Variants in SEMA6D observed in about 807,000 individuals in gnomAD.
SEMA6D encodes semaphorin 6D, also known as semaphorin-6D.
A neutral mutation model predicts 106.6 loss-of-function variants in SEMA6D; 35 were observed. The observed-to-expected ratio is 0.33, with a 90% CI of 0.25 to 0.44. The LOEUF is 0.44. Ranked by LOEUF, SEMA6D falls within the 20% of genes least tolerant of loss-of-function variation. The pLI, the probability that SEMA6D is intolerant of heterozygous loss-of-function variation, is 1.00. For synonymous variants in SEMA6D, 499 were observed against 487.7 expected (o/e 1.02, Z -0.31); for missense variants, 1,185 against 1,345.9 (o/e 0.88, Z 1.87).
chr15:47,504,085 C>T (rs2043955300), intron 3 of SEMA6D, among the ~76,000 whole-genome samples: 1 of 152,208 alleles, frequency 6.6e-6, no homozygotes, highest in African/African-American at 2.4e-5. Flanking sequence ...GCTCCTCCCT[C>T]TGCAGGCTGG....
intron 2 of SEMA6D, among the ~76,000 whole-genome samples, chr15:47,440,656 A>C (rs571158978): frequency 6.6e-6 from 1 of 152,214 alleles, no homozygotes; most frequent in East Asian, 1.9e-4. Flanking sequence ...TAAAGTTAAA[A>C]AAAAAAAGAC....
chr15:47,536,284 G>A (rs536585085), intron 3 of SEMA6D, among the ~76,000 whole-genome samples: 6 of 152,230 alleles, frequency 3.9e-5, no homozygotes, highest in South Asian at 2.1e-4. Context: ...TGATTTTGTC[G>A]TGGATTTGAG....
Position 47,488,132 on chromosome 15 carries a change from A to G in SEMA6D, c.-87+17587A>G, listed in dbSNP as rs1296203156. Among the ~76,000 whole-genome samples, 6 of 151,896 alleles carry G rather than the reference A, an allele frequency of 4.0e-5. No homozygotes were observed. In the East Asian group the frequency reaches 1.2e-3, roughly 29 times the overall value. On this transcript the variant is annotated intron_variant, in intron 3 of 19. Coordinates refer to the SEMA6D transcript ENST00000558014. Reference sequence around the variant, plus strand: ...CTGAATCAGTCATACTGTTTTTTACATTTTTGTTTCTGTCATCGGTATTTT... The same window carrying G: ...CTGAATCAGTCATACTGTTTTTTACGTTTTTGTTTCTGTCATCGGTATTTT...
chr15:47,372,433 A>AAAG (rs1350195731), intron 1 of SEMA6D, among the ~76,000 whole-genome samples: 2 of 152,236 alleles, frequency 1.3e-5, no homozygotes, highest in African/African-American at 4.8e-5. Context: ...GCAAAGGTAG[A>AAAG]ACTGGACCTG....
chr15:47,464,193 T>A (rs1596063830), intron 2 of SEMA6D, among the ~76,000 whole-genome samples: 1 of 152,276 alleles, frequency 6.6e-6, no homozygotes, highest in South Asian at 2.1e-4. Flanking sequence ...TAACTTTTTT[T>A]TAGCTACAAT....
intron 3 of SEMA6D, among the ~76,000 whole-genome samples, chr15:47,505,428 C>CTTAG (rs752624121): frequency 8.5e-5 from 13 of 152,184 alleles, no homozygotes; most frequent in Non-Finnish European, 1.9e-4. Flanking sequence ...AAACAACTGG[C>CTTAG]TTAGACCTTC....
chr15:47,196,755 A>C (rs529901473), intron 1 of SEMA6D, among the ~76,000 whole-genome samples: 1 of 152,322 alleles, frequency 6.6e-6, no homozygotes, highest in African/African-American at 2.4e-5. Context: ...GAAATTTCTA[A>C]AGTTGCACAC....
intron 1 of SEMA6D, among the ~76,000 whole-genome samples, chr15:47,329,582 T>C (rs890066548): frequency 6.6e-6 from 1 of 152,184 alleles, no homozygotes; most frequent in Non-Finnish European, 1.5e-5. Flanking sequence ...AAGTATGCAT[T>C]GTTGGCTGCC....
chr15:47,741,126 C>T (rs1340098173), intron 1 of SEMA6D, among the ~76,000 whole-genome samples: 4 of 152,112 alleles, frequency 2.6e-5, no homozygotes, highest in Non-Finnish European at 5.9e-5. Flanking sequence ...TTCTTAAGTT[C>T]CTCTTTCTCC....
rs897083035 is a variant in SEMA6D, at chr15:47,766,152, G to A, written c.1616G>A (p.Gly539Glu). 2.2e-5 allele frequency: 35 copies of A among 1,613,408 alleles called. No individual in the cohort carries two copies. Among genetic ancestry groups the A allele is most frequent in the Non-Finnish European group, 2.7e-5 (32 of 1,179,684 alleles). Residue 539 changes from glycine (G) to glutamate (E), a missense_variant, in exon 15 of 19, where the codon GGA becomes GAA. Physicochemically the swap from Gly to Glu is moderately conservative, Grantham distance 98. This residue lies in a region of SEMA6D where 750 missense variants were observed against 783.5 expected (regional missense o/e 0.96). Coordinates refer to ENST00000536845, the MANE Select transcript of SEMA6D (RefSeq NM_001358351.3). ...CCGTATTGTGGCTGGTTAAGCCAGG[G>A]ATCCTGTGGTAGAGTGACCCCAGGG... ...RDPYCGWLSQGSCGRVTPGML... is the reference protein window; with the variant it reads ...RDPYCGWLSQESCGRVTPGML...
At chr15:47,728,592 G>A (rs2079914691) in intron 1 of SEMA6D, among the ~76,000 whole-genome samples, 1 of 152,218 alleles carries the variant, frequency 6.6e-6, no homozygotes, top group East Asian at 1.9e-4. Context: ...TCCGATCGCT[G>A]TTGTAACGAA....
intron 1 of SEMA6D, among the ~76,000 whole-genome samples, chr15:47,323,063 A>C (rs2036986610): frequency 6.6e-6 from 1 of 152,200 alleles, no homozygotes; most frequent in Non-Finnish European, 1.5e-5. Flanking sequence ...ATCATTTACT[A>C]GACTATTATA....
chr15:47,281,685 T>C (rs1427396396), intron 1 of SEMA6D, among the ~76,000 whole-genome samples: 1 of 152,190 alleles, frequency 6.6e-6, no homozygotes, highest in Admixed American at 6.6e-5. Context: ...TGATATAATG[T>C]CTGTGCATCT....
intron 2 of SEMA6D, among the ~76,000 whole-genome samples, chr15:47,447,382 T>C (rs6493280): frequency 0.48 from 73,173 of 151,776 alleles, 18,999 homozygotes; most frequent in African/African-American, 0.69. Context: ...GAAGGTTGAG[T>C]CTGTCACCAA....
At chr15:47,234,341 T>G (rs1389997294) in intron 1 of SEMA6D, among the ~76,000 whole-genome samples, 5 of 151,928 alleles carry the variant, frequency 3.3e-5, no homozygotes. Context: ...TATATATTAT[T>G]TTAATATGTA....
At chr15:47,228,335 TG>T (rs1288735167) in intron 1 of SEMA6D, among the ~76,000 whole-genome samples, 1 of 151,854 alleles carries the variant, frequency 6.6e-6, no homozygotes, top group Non-Finnish European at 1.5e-5. Context: ...ACTTTTGACC[TG>T]GGGCAAGTTT....
At chr15:47,428,419 G>T (rs746545318) in intron 2 of SEMA6D, among the ~76,000 whole-genome samples, 19 of 152,056 alleles carry the variant, frequency 1.2e-4, no homozygotes, top group Non-Finnish European at 2.5e-4. Flanking sequence ...AACAAAAGAA[G>T]TTCTAAGGAT....
At chr15:47,588,928 T>C (rs932058908) in intron 3 of SEMA6D, among the ~76,000 whole-genome samples, 1 of 152,148 alleles carries the variant, frequency 6.6e-6, no homozygotes, top group Non-Finnish European at 1.5e-5. Context: ...ACTGTCACAA[T>C]GGGGAGGCTG....
chr15:47,547,310 C>T (rs1308246680), intron 3 of SEMA6D, among the ~76,000 whole-genome samples: 1 of 152,076 alleles, frequency 6.6e-6, no homozygotes, highest in Non-Finnish European at 1.5e-5. Flanking sequence ...GGTAGCAACA[C>T]CACCATCACC....
Sources: allele counts gnomAD v4.1 joint callset (sites outside exome capture counted in the v4.1 genomes callset), GRCh38; gene constraint gnomAD v4.1.1; regional missense constraint gnomAD v4.1.1; transcripts MANE v1.5; gene names NCBI Gene and HGNC (gene_info 2026-07-23, HGNC 2026-07-21).